The following SOX7 variants were observed in gnomAD, a reference collection of about 807,000 sequenced individuals.
SOX7 encodes the protein SRY-box transcription factor 7.
In SOX7, 19 loss-of-function variants were observed where a neutral mutation model predicts 24.9. The observed-to-expected ratio is 0.76, with a 90% CI of 0.53 to 1.12. The LOEUF is 1.12. SOX7 is among the 50% of genes most tolerant of loss of function. SOX7 has a pLI of 0.00. For synonymous variants in SOX7, 327 were observed against 244.5 expected (o/e 1.34, Z -3.15); for missense variants, 702 against 535.0 (o/e 1.31, Z -3.08).
rs773457595 is a variant in SOX7 at position 10,726,103 on chromosome 8, C to T, written c.802G>A (p.Val268Ile). The T allele has an allele frequency of 1.1e-5, 18 of 1,565,940 alleles. No homozygotes were observed. Among genetic ancestry groups the T allele is most frequent in the South Asian group, 6.1e-5 (5 of 81,426 alleles). The change falls in exon 2 of 2, where the codon GTC (valine) becomes ATC (isoleucine). Residue 268 changes from valine (V) to isoleucine (I), a missense_variant. Val to Ile is a conservative substitution (Grantham distance 29). Coordinates refer to ENST00000304501, the MANE Select transcript of SOX7 (RefSeq NM_031439.4). Reference protein sequence around the residue: ...GSLALGQSPGVSMMSPVPGCP... With the variant: ...GSLALGQSPGISMMSPVPGCP... The stretch of plus-strand genomic sequence containing the variant: ...CCGGGTACAGGGGACATCATGGAGA[C>T]GCCGGGGGACTGGCCAAGGGCCAGG...
In SOX7 at chr8:10,725,645, G is replaced by A; in HGVS notation, c.*93C>T. On this transcript the variant is annotated 3_prime_UTR_variant, in exon 2 of 2. Transcript: ENST00000304501. Reference sequence around the variant, plus strand: ...TCAGACCTCCCTGCCCTGAGCGGTGGGAGGAAAGCTGGTGTGGCTGGACGG... The same window carrying A: ...TCAGACCTCCCTGCCCTGAGCGGTGAGAGGAAAGCTGGTGTGGCTGGACGG... 1 of 1,379,372 alleles carries A rather than the reference G, an allele frequency of 7.2e-7. No individual in the cohort carries two copies. The highest frequency in any genetic ancestry group is 1.0e-6 in the Non-Finnish European group (1 of 991,740). The allele number at this position is 1,379,372 out of a possible 1,614,324, so 85.4% of individuals were successfully genotyped here.
chr8:10,725,961 A>G lies in SOX7; in HGVS notation c.944T>C (p.Leu315Pro). The G allele has an allele frequency of 6.2e-7, 1 of 1,610,934 alleles. No individual in the cohort carries two copies. Among genetic ancestry groups the G allele is most frequent in the South Asian group, 1.1e-5 (1 of 90,804 alleles). The change falls in exon 2 of 2, where the codon CTG (leucine) becomes CCG (proline). Residue 315 changes from leucine (L) to proline (P), a missense_variant. Leu to Pro is a moderately conservative substitution (Grantham distance 98, BLOSUM62 -3). Transcript: ENST00000304501. ...GAGTTCCACCTGGCTCAGTTGATCC[A>G]GGGCGTCGAAGCCAGGGTGCTCAGG... ...PPPEHPGFDA[L>P]DQLSQVELLG...
Position 10,725,824 on chromosome 8 carries a change from T to C in SOX7, c.1081A>G (p.Thr361Ala), listed in dbSNP as rs765599040. The change falls in exon 2 of 2, where the codon ACA (threonine) becomes GCA (alanine). Residue 361 changes from threonine (T) to alanine (A), a missense_variant. Transcript: ENST00000304501. ...CTGGTCTCTGTGGGACCCGTTGGTGTCACCTGGGAGACCGGAACATGCCCA... is the reference window on the plus strand; with the variant it reads ...CTGGTCTCTGTGGGACCCGTTGGTGCCACCTGGGAGACCGGAACATGCCCA... ...LSGHVPVSQV[T>A]PTGPTETSLI... 1 of 1,614,112 alleles carries C rather than the reference T, an allele frequency of 6.2e-7. No homozygotes were observed. Among genetic ancestry groups the C allele is most frequent in the African/African-American group, 1.3e-5 (1 of 75,042 alleles).
chr8:10,730,162 G>A lies in SOX7; in HGVS notation c.238+34C>T, dbSNP rs779407943. ...CGCCAGCCGCCCGCCGCCCGCCCCC[G>A]GCCCCCAGCCCGCTCGGCCGCGCGC... On this transcript the variant is annotated intron_variant, in intron 1 of 1. Transcript: ENST00000304501. This position sits in a 1 kb window ranked among gnomAD's most constrained non-coding sequence, Gnocchi z 4.8. The A allele has an allele frequency of 2.9e-5, 15 of 522,976 alleles. No homozygotes were observed. The highest frequency in any genetic ancestry group is 7.1e-4 in the Middle Eastern group (1 of 1,404). 32.4% of individuals were successfully genotyped at this position (522,976 alleles called of 1,614,324 possible).
Position 10,730,371 on chromosome 8 carries a change from G to A in SOX7, c.63C>T (p.Ala21=). The change falls in exon 1 of 2, where the codon GCC becomes GCT. Residue 21 remains alanine (A), a synonymous_variant. Coordinates refer to ENST00000304501, the MANE Select transcript of SOX7 (RefSeq NM_031439.4). This position sits in a 1 kb window ranked among gnomAD's most constrained non-coding sequence, Gnocchi z 4.8. Reference sequence around the variant, plus strand: ...GCGGCGATTGTCCATCCGACAGCTCGGCGTCCAGGGCCGGGCACTCGAGAC... The same window carrying A: ...GCGGCGATTGTCCATCCGACAGCTCAGCGTCCAGGGCCGGGCACTCGAGAC... ...PEGLECPALD[A]ELSDGQSPPA... The A allele has an allele frequency of 1.3e-6, 2 of 1,551,598 alleles. No individual in the cohort carries two copies. The highest frequency in any genetic ancestry group is 1.7e-6 in the Non-Finnish European group (2 of 1,153,748).
In SOX7 at chr8:10,726,639, G is replaced by T; in HGVS notation, c.266C>A (p.Ser89Tyr). Residue 89 changes from serine (S) to tyrosine (Y), a missense_variant, in exon 2 of 2, where the codon TCC becomes TAC. Ser to Tyr is a moderately radical substitution (Grantham distance 144). Coordinates refer to ENST00000304501, the MANE Select transcript of SOX7 (RefSeq NM_031439.4). ...LGKSWKALTL[S>Y]QKRPYVDEAE... The stretch of plus-strand genomic sequence containing the variant: ...CTCGTCCACGTACGGCCTCTTCTGG[G>T]ACAGCGTCAGCGCCTTCCACGACTT... The T allele has an allele frequency of 6.3e-7, 1 of 1,590,068 alleles. No homozygotes were observed. Among genetic ancestry groups the T allele is most frequent in the Non-Finnish European group, 8.5e-7 (1 of 1,171,888 alleles).
chr8:10,730,381 G>T lies in SOX7; in HGVS notation c.53C>A (p.Ala18Asp). ...TCCATCCGACAGCTCGGCGTCCAGG[G>T]CCGGGCACTCGAGACCCTCGGGCCA... ...YPWPEGLECPALDAELSDGQS... is the reference protein window; with the variant it reads ...YPWPEGLECPDLDAELSDGQS... Residue 18 changes from alanine to aspartate, a missense_variant, in exon 1 of 2, where the codon GCC becomes GAC. Coordinates refer to ENST00000304501, the MANE Select transcript of SOX7 (RefSeq NM_031439.4). The surrounding 1 kb of genome is among the most constrained non-coding windows in gnomAD (Gnocchi z 4.8). 6.5e-7 allele frequency: 1 copy of T among 1,540,498 alleles called. No homozygotes were observed. Among genetic ancestry groups the T allele is most frequent in the Non-Finnish European group, 8.7e-7 (1 of 1,149,018 alleles).
Position 10,730,157 on chromosome 8 carries a change from C to T in SOX7, c.238+39G>A. On this transcript the variant is annotated intron_variant, in intron 1 of 1. Coordinates refer to ENST00000304501, the MANE Select transcript of SOX7 (RefSeq NM_031439.4). This position sits in a 1 kb window ranked among gnomAD's most constrained non-coding sequence, Gnocchi z 4.8. ...AGTGCCGCCAGCCGCCCGCCGCCCGCCCCCGGCCCCCAGCCCGCTCGGCCG... is the reference window on the plus strand; with the variant it reads ...AGTGCCGCCAGCCGCCCGCCGCCCGTCCCCGGCCCCCAGCCCGCTCGGCCG... 7.2e-7 allele frequency: 1 copy of T among 1,384,598 alleles called. No individual in the cohort carries two copies. The highest frequency in any genetic ancestry group is 9.4e-7 in the Non-Finnish European group (1 of 1,062,110). 85.8% of individuals were successfully genotyped at this position (1,384,598 alleles called of 1,614,324 possible). A position where few individuals can be genotyped will look rare whatever the true frequency, so the allele number is the denominator to read the frequency against.
intron 1 of SOX7, chr8:10,729,528 A>G (rs1254423642): frequency 2.0e-5 from 3 of 152,194 alleles, no homozygotes; most frequent in African/African-American, 7.2e-5. Flanking sequence ...CCCTGCGGGG[A>G]CAGCTCAGGA....
chr8:10,728,175 A>G (rs914035017), intron 1 of SOX7, among the ~76,000 whole-genome samples: 14 of 152,258 alleles, frequency 9.2e-5, no homozygotes, highest in Admixed American at 6.5e-5. Flanking sequence ...TGGTCTCAAT[A>G]TAAAATGTGG....
intron 1 of SOX7, chr8:10,729,588 C>G (rs548249252): frequency 6.6e-6 from 1 of 152,240 alleles, no homozygotes; most frequent in Non-Finnish European, 1.5e-5. Flanking sequence ...GTTATCTACA[C>G]CTTCGAGACT....
rs1319274142 is a variant in SOX7, at chr8:10,725,286, A to T, written c.*452T>A. 5.4e-6 allele frequency: 1 copy of T among 183,832 alleles called. No individual in the cohort carries two copies. The highest frequency in any genetic ancestry group is 2.4e-5 in the African/African-American group (1 of 41,938). The allele number at this position is 183,832 out of a possible 1,614,324, so 11.4% of individuals were successfully genotyped here. A position where few individuals can be genotyped will look rare whatever the true frequency, so the allele number is the denominator to read the frequency against. On this transcript the variant is annotated 3_prime_UTR_variant, in exon 2 of 2. Transcript: ENST00000304501. Reference sequence around the variant, plus strand: ...GTGGTCCTTGGGCTGTGCACACAAAATTATCACCAGATCGTAGGTTAGCGA... The same window carrying T: ...GTGGTCCTTGGGCTGTGCACACAAATTTATCACCAGATCGTAGGTTAGCGA...
At chr8:10,729,435 C>A (rs560797154) in intron 1 of SOX7, 5 of 152,218 alleles carry the variant, frequency 3.3e-5, no homozygotes, top group African/African-American at 1.2e-4. Flanking sequence ...AAAAAGAAAC[C>A]CCCATAGGAA....
rs754353940 is a variant in SOX7, at chr8:10,726,391, G to C, written c.514C>G (p.Pro172Ala). 1.2e-6 allele frequency: 2 copies of C among 1,612,232 alleles called. No individual in the cohort carries two copies. The highest frequency in any genetic ancestry group is 1.7e-6 in the Non-Finnish European group (2 of 1,179,324). ...RGEYSPGTAL[P>A]SLRGCYHEGP... ...TCGTGGTAGCAGCCCCGGAGGCTGGGCAGGGCAGTGCCGGGGGAGTACTCA... is the reference window on the plus strand; with the variant it reads ...TCGTGGTAGCAGCCCCGGAGGCTGGCCAGGGCAGTGCCGGGGGAGTACTCA... Residue 172 changes from proline (P) to alanine (A), a missense_variant, in exon 2 of 2, where the codon CCC becomes GCC. Coordinates refer to ENST00000304501, the MANE Select transcript of SOX7 (RefSeq NM_031439.4).
At chr8:10,728,613 T>G (rs4841434) in intron 1 of SOX7, among the ~76,000 whole-genome samples, 3 of 152,090 alleles carry the variant, frequency 2.0e-5, no homozygotes, top group African/African-American at 7.2e-5. Context: ...CAGGCCCCGA[T>G]GGGGACCAAC....
intron 1 of SOX7, among the ~76,000 whole-genome samples, chr8:10,729,850 C>T (rs893669542): frequency 4.6e-5 from 7 of 152,244 alleles, no homozygotes; most frequent in Admixed American, 2.0e-4. Flanking sequence ...GTTTCCGTCC[C>T]TGCCCTGTCC....
At chr8:10,726,704 G>T in intron 1 of SOX7, 38 bp from the exon 2 acceptor site, 1 of 1,512,872 alleles carries the variant, frequency 6.6e-7, no homozygotes, top group Non-Finnish European at 8.8e-7. Context: ...GCTCAGTGCT[G>T]TGCCCCGCAG....
At position 10,725,684 on chromosome 8, in the gene SOX7, C is replaced by G. The variant is rs1003432094; in HGVS notation, c.*54G>C. On this transcript the variant is annotated 3_prime_UTR_variant, in exon 2 of 2. Coordinates refer to ENST00000304501, the MANE Select transcript of SOX7 (RefSeq NM_031439.4). ...GTGGCTGGACGGCTCCTCTGCCACT[C>G]AAGGCACAAGAAGGAGAGGGCGCGA... is the stretch of plus-strand genomic sequence containing the variant. 4.6e-5 allele frequency: 73 copies of G among 1,592,742 alleles called. No homozygotes were observed. The highest frequency in any genetic ancestry group is 6.2e-5 in the Non-Finnish European group (72 of 1,163,920).
Position 10,725,846 on chromosome 8 carries a change from C to G in SOX7, c.1059G>C (p.Gly353=). Residue 353 remains glycine (G), a synonymous_variant, in exon 2 of 2, where the codon GGG becomes GGC. Coordinates refer to ENST00000304501, the MANE Select transcript of SOX7 (RefSeq NM_031439.4). ...DSATGAMALS[G]HVPVSQVTPT... ...GTGTCACCTGGGAGACCGGAACATG[C>G]CCACTGAGGGCCATGGCCCCTGTGG... The G allele has an allele frequency of 6.2e-7, 1 of 1,614,202 alleles. No individual in the cohort carries two copies. The highest frequency in any genetic ancestry group is 1.1e-5 in the South Asian group (1 of 91,078).
Sources: allele counts gnomAD v4.1 joint callset (sites outside exome capture counted in the v4.1 genomes callset), GRCh38; gene constraint gnomAD v4.1.1; non-coding constraint Gnocchi (gnomAD v3.1); transcripts MANE v1.5; gene names NCBI Gene and HGNC (gene_info 2026-07-23, HGNC 2026-07-21).